ATXN1: variants seen among roughly 807,000 people sequenced by gnomAD.
ATXN1 encodes the protein ataxin-1.
ATXN1 carries 8 observed loss-of-function variants against 56.4 expected under a neutral mutation model. The observed-to-expected ratio is 0.14, with a 90% CI of 0.08 to 0.26. The LOEUF is 0.26. Among genes scored for constraint, ATXN1 ranks in the 10% least tolerant of loss-of-function variants. ATXN1 has a pLI of 1.00. For missense variants in ATXN1, 987 were observed against 1,106.5 expected (o/e 0.89, Z 1.53); for synonymous variants, 514 against 494.6 (o/e 1.04, Z -0.52).
At chr6:16,519,147 AT>A (rs1761240126) in intron 5 of ATXN1, among the ~76,000 whole-genome samples, 1 of 152,254 alleles carries the variant, frequency 6.6e-6, no homozygotes, top group South Asian at 2.1e-4. Flanking sequence ...CATTAGAGAA[AT>A]TTTTTTAAGA....
chr6:16,691,566 T>G (rs78309184), intron 2 of ATXN1, among the ~76,000 whole-genome samples: 2,632 of 152,352 alleles, frequency 0.017, 34 homozygotes, highest in Middle Eastern at 0.027. Context: ...TACTATTAGT[T>G]AAGCCAGCAT....
intron 2 of ATXN1, among the ~76,000 whole-genome samples, chr6:16,726,914 A>G (rs1296816893): frequency 2.0e-5 from 3 of 152,240 alleles, no homozygotes; most frequent in Non-Finnish European, 4.4e-5. Context: ...GGATTGCTCA[A>G]GAGTTCAGGC....
intron 6 of ATXN1, among the ~76,000 whole-genome samples, chr6:16,402,223 T>C (rs1758588161): frequency 1.6e-5 from 2 of 125,712 alleles, no homozygotes; most frequent in African/African-American, 6.0e-5. Flanking sequence ...AAAACAAGAC[T>C]TCTCGCCAAC....
chr6:16,575,655 G>C (rs986976478), intron 4 of ATXN1, among the ~76,000 whole-genome samples: 1 of 152,170 alleles, frequency 6.6e-6, no homozygotes, highest in African/African-American at 2.4e-5. Flanking sequence ...CCTTGTGTTA[G>C]GTGTTAGAGT....
chr6:16,328,670 G>A lies in ATXN1; in HGVS notation c.-160-200C>T, dbSNP rs185212427. 8.7e-4 allele frequency among the ~76,000 whole-genome samples: 133 copies of A among 152,244 alleles called. 1 individual carries two copies. The highest frequency in any genetic ancestry group is 2.9e-3 in the African/African-American group (120 of 41,540). On this transcript the variant is annotated intron_variant, in intron 6 of 7. Transcript: ENST00000436367. This position sits in a 1 kb window ranked among gnomAD's most constrained non-coding sequence, Gnocchi z 6.2. The stretch of plus-strand genomic sequence containing the variant: ...AGAGAAAACACTAGCCAACACTTTG[G>A]GAGGCCGAGGCAGGCAGATCACGAG...
intron 2 of ATXN1, among the ~76,000 whole-genome samples, chr6:16,735,241 TTAAG>T (rs1308133100): frequency 6.6e-6 from 1 of 152,126 alleles, no homozygotes; most frequent in Non-Finnish European, 1.5e-5. Context: ...ACTGTGAGGA[TTAAG>T]TGATTAGTAC....
intron 6 of ATXN1, among the ~76,000 whole-genome samples, chr6:16,373,310 T>C (rs543299238): frequency 3.3e-5 from 5 of 152,372 alleles, no homozygotes; most frequent in African/African-American, 7.2e-5. Context: ...TTTCCACTTA[T>C]ACAATTTTTT....
chr6:16,579,437 T>C (rs1581857892), intron 4 of ATXN1, among the ~76,000 whole-genome samples: 1 of 130,938 alleles, frequency 7.6e-6, no homozygotes, highest in Non-Finnish European at 1.6e-5. Flanking sequence ...ATGTTACAGA[T>C]GGAGAACTTG....
chr6:16,449,822 C>T (rs1472678188), intron 6 of ATXN1, among the ~76,000 whole-genome samples: 1 of 152,114 alleles, frequency 6.6e-6, no homozygotes, highest in Non-Finnish European at 1.5e-5. Context: ...TTTAGGGAAT[C>T]AGGGTTTTCT....
At chr6:16,737,389 T>C (rs1760172375) in intron 2 of ATXN1, 1 of 152,202 alleles carries the variant, frequency 6.6e-6, no homozygotes, top group Non-Finnish European at 1.5e-5. Flanking sequence ...CAAAGACCAG[T>C]TGATGACTGT....
At chr6:16,541,388 GC>G (rs756033257) in intron 4 of ATXN1, among the ~76,000 whole-genome samples, 45 of 152,220 alleles carry the variant, frequency 3.0e-4, no homozygotes, top group Non-Finnish European at 5.9e-4. Flanking sequence ...CCTGTTCTTA[GC>G]TTCCCAGCTT....
intron 2 of ATXN1, among the ~76,000 whole-genome samples, chr6:16,659,069 T>C (rs774512628): frequency 3.3e-5 from 5 of 152,226 alleles, no homozygotes; most frequent in Non-Finnish European, 7.3e-5. Context: ...CTATCTGTGG[T>C]TAAATTCCTG....
chr6:16,391,769 G>A (rs1190278119), intron 6 of ATXN1, among the ~76,000 whole-genome samples: 1 of 152,178 alleles, frequency 6.6e-6, no homozygotes, highest in Non-Finnish European at 1.5e-5. Flanking sequence ...AAGAGGCTGT[G>A]CAAGGTGGTG....
chr6:16,499,325 A>C (rs1298590037), intron 5 of ATXN1, among the ~76,000 whole-genome samples: 1 of 152,214 alleles, frequency 6.6e-6, no homozygotes, highest in African/African-American at 2.4e-5. Flanking sequence ...ACAAAACTTT[A>C]AAAATATACA....
At chr6:16,467,500 G>A (rs1253879850) in intron 6 of ATXN1, among the ~76,000 whole-genome samples, 3 of 152,166 alleles carry the variant, frequency 2.0e-5, no homozygotes, top group African/African-American at 7.2e-5. Flanking sequence ...GTTTCTTCGG[G>A]TGGGGGATGG....
intron 6 of ATXN1, among the ~76,000 whole-genome samples, chr6:16,442,873 G>T (rs1037115197): frequency 1.3e-5 from 2 of 152,082 alleles, no homozygotes; most frequent in East Asian, 3.8e-4. Flanking sequence ...TTACCTGGTC[G>T]TGGTGGCGCA....
chr6:16,616,886 C>A (rs181001794), intron 3 of ATXN1, among the ~76,000 whole-genome samples: 1 of 151,276 alleles, frequency 6.6e-6, no homozygotes, highest in East Asian at 1.9e-4. Flanking sequence ...GAGTACAGTA[C>A]AAGAAGATAT....
intron 4 of ATXN1, among the ~76,000 whole-genome samples, chr6:16,548,695 G>A (rs943980989): frequency 1.3e-5 from 2 of 151,920 alleles, no homozygotes; most frequent in Non-Finnish European, 2.9e-5. Flanking sequence ...AGGCCGAGGC[G>A]GGTGGATTGC....
chr6:16,705,783 T>C (rs1759393990), intron 2 of ATXN1, among the ~76,000 whole-genome samples: 1 of 152,124 alleles, frequency 6.6e-6, no homozygotes, highest in South Asian at 2.1e-4. Context: ...ATTTTCAACA[T>C]TCCTCTGTCA....
Sources: gnomAD v4.1 joint callset for allele counts (sites outside exome capture counted in the v4.1 genomes callset) on GRCh38, gnomAD v4.1.1 for gene constraint, Gnocchi (gnomAD v3.1) non-coding constraint, MANE v1.5 for transcripts, NCBI Gene and HGNC (gene_info 2026-07-23, HGNC 2026-07-21) for gene names.